PTPRU: variants seen among roughly 807,000 people sequenced by gnomAD.
PTPRU encodes the protein receptor-type tyrosine-protein phosphatase U.
In PTPRU, 69 loss-of-function variants were observed where a neutral mutation model predicts 166.3. The ratio of observed to expected loss-of-function variants is 0.41; its 90% CI spans 0.34 to 0.51. The LOEUF (loss-of-function observed/expected upper bound fraction) is 0.51, where lower values mean the gene tolerates loss of function less well. Among genes scored for constraint, PTPRU ranks in the 20% least tolerant of loss-of-function variants. The pLI, the probability that PTPRU is intolerant of heterozygous loss-of-function variation, is 0.09. For synonymous variants in PTPRU, 793 were observed against 814.0 expected (o/e 0.97, Z 0.44); for missense variants, 1,657 against 2,013.7 (o/e 0.82, Z 3.39).
intron 14 of PTPRU, among the ~76,000 whole-genome samples, chr1:29,286,767 C>A (rs1402516503): frequency 6.6e-6 from 1 of 152,054 alleles, no homozygotes; most frequent in Non-Finnish European, 1.5e-5. Flanking sequence ...CAGGCTGGAT[C>A]AGAAATGTTG....
intron 5 of PTPRU, 70 bp downstream of exon 5, chr1:29,259,634 T>C: frequency 7.1e-7 from 1 of 1,415,140 alleles, no homozygotes; most frequent in Non-Finnish European, 9.5e-7. Context: ...TGGCCCTGAC[T>C]CCCCCCAGAT....
At chr1:29,263,478 C>A (rs932345667) in intron 7 of PTPRU, among the ~76,000 whole-genome samples, 7 of 152,128 alleles carry the variant, frequency 4.6e-5, no homozygotes, top group African/African-American at 1.7e-4. Flanking sequence ...TATTTGTGTA[C>A]AGGTTTTTAT....
Position 29,279,141 on chromosome 1 carries a change from A to G in PTPRU, c.1563+20A>G, listed in dbSNP as rs1417346417. On this transcript the variant is annotated intron_variant, in intron 9 of 29. Transcript: ENST00000373779. This position sits in a 1 kb window ranked among gnomAD's most constrained non-coding sequence, Gnocchi z 5.2. ...TATGAGGTGGGTTTGGGACCCTATT[A>G]CAGTGGGGGACCCTGGTGGAAGGTG... The G allele has an allele frequency of 6.5e-7, 1 of 1,527,964 alleles. No homozygotes were observed. The highest frequency in any genetic ancestry group is 8.9e-7 in the Non-Finnish European group (1 of 1,123,982). The allele number at this position is 1,527,964 out of a possible 1,614,324, so 94.7% of individuals were successfully genotyped here. A position where few individuals can be genotyped will look rare whatever the true frequency, so the allele number is the denominator to read the frequency against.
At chr1:29,314,150 C>T (rs898367152) in intron 22 of PTPRU, among the ~76,000 whole-genome samples, 3 of 152,162 alleles carry the variant, frequency 2.0e-5, no homozygotes, top group Admixed American at 6.5e-5. Context: ...GTCCATTCTG[C>T]CATGATAGGC....
chr1:29,244,420 G>T (rs1042273610), intron 1 of PTPRU, among the ~76,000 whole-genome samples: 1 of 148,104 alleles, frequency 6.8e-6, no homozygotes, highest in Non-Finnish European at 1.5e-5. Flanking sequence ...GGAGATGTGG[G>T]TGATAAGATA....
chr1:29,317,341 C>T lies in PTPRU; in HGVS notation c.3514-407C>T, dbSNP rs1328034006. 6.6e-6 allele frequency among the ~76,000 whole-genome samples: 1 copy of T among 152,126 alleles called. No individual in the cohort carries two copies. The highest frequency in any genetic ancestry group is 1.5e-5 in the Non-Finnish European group (1 of 68,026). On this transcript the variant is annotated intron_variant, in intron 24 of 29. Coordinates refer to ENST00000373779, the MANE Select transcript of PTPRU (RefSeq NM_133178.4). This position sits in a 1 kb window ranked among gnomAD's most constrained non-coding sequence, Gnocchi z 5.6. The stretch of plus-strand genomic sequence containing the variant: ...GGGTGTGGGGTTTCAGGGGTTGCCT[C>T]AGTGAAGGCACTGGTCAGCTAGTAA...
chr1:29,317,607 C>A lies in PTPRU; in HGVS notation c.3514-141C>A. ...TAGAGACAGGGAGTCTGGCTCCGTG[C>A]CCTGTACCCTTCTCTCTGGACCTCA... On this transcript the variant is annotated intron_variant, in intron 24 of 29. Coordinates refer to ENST00000373779, the MANE Select transcript of PTPRU (RefSeq NM_133178.4). This position sits in a 1 kb window ranked among gnomAD's most constrained non-coding sequence, Gnocchi z 5.6. 3.1e-6 allele frequency: 3 copies of A among 981,672 alleles called. No homozygotes were observed. Among genetic ancestry groups the A allele is most frequent in the Non-Finnish European group, 4.4e-6 (3 of 676,102 alleles). The allele number at this position is 981,672 out of a possible 1,614,324, so 60.8% of individuals were successfully genotyped here. A position where few individuals can be genotyped will look rare whatever the true frequency, so the allele number is the denominator to read the frequency against.
intron 7 of PTPRU, among the ~76,000 whole-genome samples, chr1:29,272,552 C>T (rs368856761): frequency 4.6e-5 from 7 of 152,012 alleles, no homozygotes; most frequent in East Asian, 3.8e-4. Flanking sequence ...GCAGCCTGGG[C>T]GAATGCTTTC....
At chr1:29,284,677 G>T (rs1686258443) in intron 13 of PTPRU, 54 bp from the exon 14 acceptor site, 2 of 1,613,380 alleles carry the variant, frequency 1.2e-6, no homozygotes, top group Non-Finnish European at 1.7e-6. Context: ...TACAGGAGGG[G>T]CTCGATGGTC....
chr1:29,313,544 A>G (rs1038043952), intron 22 of PTPRU, among the ~76,000 whole-genome samples: 25 of 152,238 alleles, frequency 1.6e-4, no homozygotes, highest in Admixed American at 3.9e-4. Flanking sequence ...TGAAAAAACC[A>G]GCTCTACTGA....
rs1284229122 is a variant in PTPRU at position 29,280,191 on chromosome 1, G to C, written c.1868+50G>C. On this transcript the variant is annotated intron_variant, in intron 11 of 29. Transcript: ENST00000373779. This position sits in a 1 kb window ranked among gnomAD's most constrained non-coding sequence, Gnocchi z 4.2. ...GGGAGTCCAGGGCCTTAGGAAAGAG[G>C]CCCCTCCTCTGACCCAGAGCCCCAT... 6 of 1,521,020 alleles carry C rather than the reference G, an allele frequency of 3.9e-6. No individual in the cohort carries two copies. The highest frequency in any genetic ancestry group is 2.3e-4 in the Middle Eastern group (1 of 4,318). The allele number at this position is 1,521,020 out of a possible 1,614,324, so 94.2% of individuals were successfully genotyped here. A position where few individuals can be genotyped will look rare whatever the true frequency, so the allele number is the denominator to read the frequency against.
intron 1 of PTPRU, among the ~76,000 whole-genome samples, chr1:29,250,888 C>G (rs1684515173): frequency 6.6e-6 from 1 of 152,246 alleles, no homozygotes; most frequent in Admixed American, 6.5e-5. Context: ...GGAGCTAGAA[C>G]TGGGTCTGGC....
At position 29,282,686 on chromosome 1, in the gene PTPRU, G is replaced by A; in HGVS notation, c.1879G>A (p.Val627Met). The change falls in exon 12 of 30, where the codon GTG becomes ATG. Residue 627 changes from valine to methionine, a missense_variant. By Grantham distance (21) the Val-to-Met change is conservative. Transcript: ENST00000373779. ...CTCCTCCCTGTCCAGTGTGTACCAGGTGATTGTGGAGGAGGAGCGGGCGCG... is the reference window on the plus strand; with the variant it reads ...CTCCTCCCTGTCCAGTGTGTACCAGATGATTGTGGAGGAGGAGCGGGCGCG... Reference protein sequence around the residue: ...GRGAPISVYQVIVEEERARRL... With the variant: ...GRGAPISVYQMIVEEERARRL... 2.5e-6 allele frequency: 4 copies of A among 1,612,554 alleles called. No individual in the cohort carries two copies. Among genetic ancestry groups the A allele is most frequent in the Non-Finnish European group, 3.4e-6 (4 of 1,179,886 alleles).
Position 29,280,449 on chromosome 1 carries a change from C to T in PTPRU, c.1868+308C>T, listed in dbSNP as rs1032023600. Among the ~76,000 whole-genome samples, 4 of 152,176 alleles carry T rather than the reference C, an allele frequency of 2.6e-5. No individual in the cohort carries two copies. Among genetic ancestry groups the T allele is most frequent in the African/African-American group, 9.7e-5 (4 of 41,444 alleles). On this transcript the variant is annotated intron_variant, in intron 11 of 29. Transcript: ENST00000373779. This position sits in a 1 kb window ranked among gnomAD's most constrained non-coding sequence, Gnocchi z 4.2. ...TCAGACACCTTGGAGAAGTGAAACT[C>T]TGGGGGCCTTATATCATCCCAGCCT...
chr1:29,305,471 C>T lies in PTPRU; in HGVS notation c.2820+43C>T, dbSNP rs372073750. 1,223 of 1,575,880 alleles carry T rather than the reference C, an allele frequency of 7.8e-4. 1 individual carries two copies. The highest frequency in any genetic ancestry group is 9.6e-4 in the Non-Finnish European group (1,101 of 1,146,976). ...TCATTTCTGCAGACCTGGCCCTGCC[C>T]GCTCCAGGCTTACTATCCAGGCAGG... On this transcript the variant is annotated intron_variant, in intron 18 of 29. Transcript: ENST00000373779.
chr1:29,278,879 T>C (rs1476664677), intron 8 of PTPRU, 133 bp from the exon 9 acceptor site: 2 of 646,824 alleles, frequency 3.1e-6, no homozygotes, highest in Non-Finnish European at 5.4e-6. Flanking sequence ...ACTTCACAGC[T>C]GAGTTAAGTA....
At chr1:29,259,824 C>T in intron 5 of PTPRU, 46 bp from the exon 6 acceptor site, 8 of 1,490,910 alleles carry the variant, frequency 5.4e-6, no homozygotes, top group Non-Finnish European at 7.1e-6. Flanking sequence ...AGATCGGGAC[C>T]CCTCGCTCCG....
chr1:29,260,488 G>C lies in PTPRU; in HGVS notation c.851-122G>C, dbSNP rs1428598373. On this transcript the variant is annotated intron_variant, in intron 6 of 29. Transcript: ENST00000373779. The surrounding 1 kb of genome is among the most constrained non-coding windows in gnomAD (Gnocchi z 8.3). ...GGAGAGCGGGTCTGGTTGAGGGCTT[G>C]GTAGCAGCGTGAGAGGCCCTAGGAG... is the stretch of plus-strand genomic sequence containing the variant. 1.3e-6 allele frequency: 1 copy of C among 761,326 alleles called. No individual in the cohort carries two copies. Among genetic ancestry groups the C allele is most frequent in the African/African-American group, 1.8e-5 (1 of 54,416 alleles). The allele number at this position is 761,326 out of a possible 1,614,324, so 47.2% of individuals were successfully genotyped here.
intron 1 of PTPRU, among the ~76,000 whole-genome samples, chr1:29,240,986 G>A (rs527348289): frequency 3.3e-5 from 5 of 152,298 alleles, no homozygotes; most frequent in Admixed American, 6.5e-5. Context: ...GGGGAGGCTG[G>A]CTGAGGTGTG....
Sources: gnomAD v4.1 joint callset for allele counts (sites outside exome capture counted in the v4.1 genomes callset) on GRCh38, gnomAD v4.1.1 for gene constraint, Gnocchi (gnomAD v3.1) non-coding constraint, MANE v1.5 for transcripts, NCBI Gene and HGNC (gene_info 2026-07-23, HGNC 2026-07-21) for gene names.